Variants in PHF20 observed in about 807,000 individuals in gnomAD.
PHF20 encodes the protein glioma-expressed antigen 2.
Under a neutral mutation model 113.5 loss-of-function variants are expected in PHF20, and 23 were observed. That is an observed-to-expected ratio of 0.20 (90% CI 0.15 to 0.29). The LOEUF (loss-of-function observed/expected upper bound fraction) is 0.29. PHF20 is among the 10% of genes least tolerant of loss of function. PHF20 has a pLI of 1.00. For missense variants in PHF20, 943 were observed against 1,219.6 expected, an observed-to-expected ratio of 0.77 and a Z score of 3.38; for synonymous variants, 434 against 457.3, an observed-to-expected ratio of 0.95 and a Z score of 0.65.
In PHF20 at chr20:35,927,788, G is replaced by A. The variant is rs748536375; in HGVS notation, c.2013G>A (p.Glu671=). Residue 671 remains glutamate (E), a synonymous_variant, in exon 14 of 18, where the codon GAG becomes GAA. Coordinates refer to ENST00000374012, the MANE Select transcript of PHF20 (RefSeq NM_016436.5). The part of the protein sequence containing the change: ...EENDFMIQCE[E]CQCWQHGVCM... ...TTCTTTAATTCTAACAGTGTGAAGA[G>A]TGCCAGTGCTGGCAGCATGGGGTCT... The A allele has an allele frequency of 7.4e-6, 12 of 1,611,558 alleles. No homozygotes were observed. Among genetic ancestry groups the A allele is most frequent in the Non-Finnish European group, 1.0e-5 (12 of 1,177,644 alleles).
chr20:35,944,467 T>A (rs1332230418), intron 17 of PHF20, among the ~76,000 whole-genome samples: 1 of 152,248 alleles, frequency 6.6e-6, no homozygotes, highest in Non-Finnish European at 1.5e-5. Flanking sequence ...AAGAGGGGCC[T>A]CTCAGCAACT....
chr20:35,947,355 ATGGAGGCTGAAATGGCCCTTCC>A, intron 17 of PHF20, 108 bp from the exon 18 acceptor site: 3 of 841,192 alleles, frequency 3.6e-6, no homozygotes, highest in Admixed American at 2.4e-5. Context: ...CCCTTGCCCC[ATGGAGGCTGAAATGGCCCTTCC>A]TCCCTTGCCC....
intron 2 of PHF20, among the ~76,000 whole-genome samples, chr20:35,813,122 C>A (rs1369082698): frequency 1.3e-5 from 2 of 152,126 alleles, no homozygotes; most frequent in Non-Finnish European, 2.9e-5. Flanking sequence ...CGCCCGCCAC[C>A]ACGCCCGGCT....
At chr20:35,933,705 G>A (rs1052177683) in intron 15 of PHF20, among the ~76,000 whole-genome samples, 1 of 152,122 alleles carries the variant, frequency 6.6e-6, no homozygotes, top group African/African-American at 2.4e-5. Context: ...CCTAATTTTT[G>A]TATTTTTAGT....
chr20:35,809,785 G>A (rs1482538057), intron 2 of PHF20, among the ~76,000 whole-genome samples: 1 of 152,024 alleles, frequency 6.6e-6, no homozygotes, highest in Non-Finnish European at 1.5e-5. Flanking sequence ...GGAGGCTGAG[G>A]CAGGAGGACT....
At chr20:35,786,891 AC>A (rs1426409508) in intron 1 of PHF20, among the ~76,000 whole-genome samples, 1 of 151,756 alleles carries the variant, frequency 6.6e-6, no homozygotes, top group African/African-American at 2.4e-5. Flanking sequence ...AATAGTTCCC[AC>A]GTTTACCTGT....
chr20:35,936,427 C>G (rs911856405), intron 15 of PHF20, among the ~76,000 whole-genome samples: 1 of 152,160 alleles, frequency 6.6e-6, no homozygotes. Flanking sequence ...TAACATCGCT[C>G]TATGCCTTCA....
chr20:35,946,866 T>C (rs2056095151), intron 17 of PHF20, among the ~76,000 whole-genome samples: 1 of 152,036 alleles, frequency 6.6e-6, no homozygotes, highest in African/African-American at 2.4e-5. Flanking sequence ...GGCACCACCA[T>C]GCCTGGCTAA....
chr20:35,785,679 C>T (rs113443393), intron 1 of PHF20, among the ~76,000 whole-genome samples: 3 of 152,122 alleles, frequency 2.0e-5, no homozygotes, highest in Non-Finnish European at 4.4e-5. Context: ...ACTCCATAGG[C>T]ATGAAAATGT....
chr20:35,795,827 A>G (rs1037610593), intron 1 of PHF20, among the ~76,000 whole-genome samples: 15 of 152,028 alleles, frequency 9.9e-5, no homozygotes, highest in African/African-American at 3.6e-4. Flanking sequence ...TAAGGATTAA[A>G]TTGGTTAATA....
chr20:35,934,086 G>A (rs1257797756), intron 15 of PHF20, among the ~76,000 whole-genome samples: 1 of 152,254 alleles, frequency 6.6e-6, no homozygotes, highest in East Asian at 1.9e-4. Context: ...AGTGCGATGA[G>A]TGAGTTAAGA....
rs1053790062 is a variant in PHF20, at chr20:35,931,390, T to C, written c.2246T>C (p.Val749Ala). ...GCCACCCACCAGCTTCTTGGTGATG[T>C]GCAGAGAGTGATTGAGGTTCTGCAT... ...IVATHQLLGDVQRVIEVLHGL... is the reference protein window; with the variant it reads ...IVATHQLLGDAQRVIEVLHGL... Residue 749 changes from valine to alanine, a missense_variant, in exon 15 of 18, where the codon GTG becomes GCG. Val to Ala is a moderately conservative substitution (Grantham distance 64). Coordinates refer to ENST00000374012, the MANE Select transcript of PHF20 (RefSeq NM_016436.5). 6 of 1,613,892 alleles carry C rather than the reference T, an allele frequency of 3.7e-6. No individual in the cohort carries two copies. The African/African-American group carries it at 4.0e-5, about 11-fold the overall frequency.
chr20:35,827,644 C>T (rs111627113), intron 2 of PHF20, among the ~76,000 whole-genome samples: 7,263 of 151,884 alleles, frequency 0.048, 210 homozygotes, highest in African/African-American at 0.089. Context: ...ATTGGCTGGG[C>T]GTGGTGGCGG....
chr20:35,842,445 C>A, intron 2 of PHF20, 128 bp from the exon 3 acceptor site: 2 of 765,114 alleles, frequency 2.6e-6, no homozygotes, highest in Non-Finnish European at 4.2e-6. Flanking sequence ...CCCAACTACA[C>A]AGAGTCTCTA....
intron 2 of PHF20, among the ~76,000 whole-genome samples, chr20:35,809,820 G>T (rs1364025812): frequency 6.6e-6 from 1 of 152,108 alleles, no homozygotes; most frequent in Non-Finnish European, 1.5e-5. Flanking sequence ...GTTTGAGGTT[G>T]CAGTGAGCTG....
intron 1 of PHF20, among the ~76,000 whole-genome samples, chr20:35,799,325 G>A (rs893929375): frequency 6.6e-6 from 1 of 150,906 alleles, no homozygotes; most frequent in Non-Finnish European, 1.5e-5. Context: ...AAAAAGCTGG[G>A]TGTGCTGACG....
chr20:35,868,856 C>T (rs1472433381), intron 6 of PHF20, among the ~76,000 whole-genome samples: 3 of 151,930 alleles, frequency 2.0e-5, no homozygotes, highest in Non-Finnish European at 4.4e-5. Flanking sequence ...TTTGGGAGGA[C>T]GAGGCAGCTG....
chr20:35,884,426 G>T (rs899803441), intron 9 of PHF20, among the ~76,000 whole-genome samples: 7 of 152,176 alleles, frequency 4.6e-5, no homozygotes, highest in African/African-American at 1.7e-4. Context: ...GGCATTTGGG[G>T]CAGCTCTGCC....
intron 12 of PHF20, 52 bp downstream of exon 12, chr20:35,914,249 C>G: frequency 6.4e-7 from 1 of 1,554,606 alleles, no homozygotes; most frequent in South Asian, 1.1e-5. Flanking sequence ...TTGGAAAATA[C>G]AAGCATACCT....
Sources: gnomAD v4.1 joint callset for allele counts (sites outside exome capture counted in the v4.1 genomes callset) on GRCh38, gnomAD v4.1.1 for gene constraint, MANE v1.5 for transcripts, NCBI Gene and HGNC (gene_info 2026-07-23, HGNC 2026-07-21) for gene names.